DMRT3: variants seen among roughly 807,000 people sequenced by gnomAD.
DMRT3 encodes the protein doublesex and mab-3 related transcription factor 3, also known as doublesex- and mab-3-related transcription factor 3.
In DMRT3, 29 loss-of-function variants were observed where a neutral mutation model predicts 34.9. The ratio of observed to expected loss-of-function variants is 0.83; its 90% CI spans 0.62 to 1.13. The LOEUF is 1.13. Among genes scored for constraint, DMRT3 ranks in the 50% most tolerant of loss-of-function variants. The pLI is 0.00. For synonymous variants in DMRT3, 350 were observed against 286.0 expected, an observed-to-expected ratio of 1.22 and a Z score of -2.26; for missense variants, 772 against 629.1, an observed-to-expected ratio of 1.23 and a Z score of -2.43.
intron 1 of DMRT3, among the ~76,000 whole-genome samples, chr9:977,944 TCGGCCGG>T (rs1820172854): frequency 6.6e-6 from 1 of 152,034 alleles, no homozygotes. Context: ...GCTGTGCTTC[TCGGCCGG>T]CCCGGCCCTG....
At position 990,856 on chromosome 9, in the gene DMRT3, G is replaced by A. The variant is rs142983095; in HGVS notation, c.1270G>A (p.Val424Ile). 3.3e-3 allele frequency: 5,397 copies of A among 1,614,082 alleles called. 7 individuals carry two copies. Among genetic ancestry groups the A allele is most frequent in the Non-Finnish European group, 3.9e-3 (4,603 of 1,180,008 alleles). Reference protein sequence around the residue: ...NSTSVFRSSPVLPARATEDPR... With the variant: ...NSTSVFRSSPILPARATEDPR... Reference sequence around the variant, plus strand: ...TACCAGCGTCTTCAGAAGCTCGCCCGTCCTTCCTGCCCGCGCCACGGAAGA... The same window carrying A: ...TACCAGCGTCTTCAGAAGCTCGCCCATCCTTCCTGCCCGCGCCACGGAAGA... The change falls in exon 2 of 2, where the codon GTC (valine) becomes ATC (isoleucine). Residue 424 changes from valine (V) to isoleucine (I), a missense_variant. Transcript: ENST00000190165.
chr9:980,793 G>A (rs1184485550), intron 1 of DMRT3, among the ~76,000 whole-genome samples: 1 of 152,140 alleles, frequency 6.6e-6, no homozygotes, highest in Non-Finnish European at 1.5e-5. Flanking sequence ...CTCAAGAGCT[G>A]AGGGAAGTTA....
At position 977,397 on chromosome 9, in the gene DMRT3, G is replaced by A. The variant is rs573423358; in HGVS notation, c.396G>A (p.Ala132=). The part of the protein sequence containing the change: ...RPAAELAAAA[A]LRWTAEPQPG... ...CTGCCGAGTTGGCCGCGGCCGCCGC[G>A]CTGCGTTGGACTGCCGAGCCGCAGC... Residue 132 remains alanine (A), a synonymous_variant, in exon 1 of 2, where the codon GCG becomes GCA. Coordinates refer to ENST00000190165, the MANE Select transcript of DMRT3 (RefSeq NM_021240.4). The A allele has an allele frequency of 2.4e-6, 3 of 1,248,066 alleles. No individual in the cohort carries two copies. The highest frequency in any genetic ancestry group is 6.0e-5 in the East Asian group (2 of 33,402). The allele number at this position is 1,248,066 out of a possible 1,614,324, so 77.3% of individuals were successfully genotyped here.
In DMRT3 at chr9:977,290, C is replaced by A. The variant is rs755840866; in HGVS notation, c.289C>A (p.Pro97Thr). The change falls in exon 1 of 2, where the codon CCC becomes ACC. Residue 97 changes from proline (P) to threonine (T), a missense_variant. Pro to Thr is a conservative substitution (Grantham distance 38). Coordinates refer to ENST00000190165, the MANE Select transcript of DMRT3 (RefSeq NM_021240.4). ...IPDSLRALPG[P>T]PPPGDAVAAP... ...CGACTCGCTGCGCGCTCTGCCAGGG[C>A]CCCCGCCGCCGGGGGACGCCGTCGC... 2 of 1,417,470 alleles carry A rather than the reference C, an allele frequency of 1.4e-6. No homozygotes were observed. Among genetic ancestry groups the A allele is most frequent in the African/African-American group, 1.5e-5 (1 of 67,568 alleles). The allele number at this position is 1,417,470 out of a possible 1,614,324, so 87.8% of individuals were successfully genotyped here.
Position 990,119 on chromosome 9 carries a change from G to C in DMRT3, c.533G>C (p.Arg178Thr). ...EVFSDKDTDQ[R>T]SSPDVAKSKG... ...TTCAGTGACAAAGACACTGACCAGA[G>C]GAGTTCCCCAGATGTGGCAAAGAGT... Residue 178 changes from arginine (R) to threonine (T), a missense_variant, in exon 2 of 2, where the codon AGG becomes ACG. Arg to Thr is a moderately conservative substitution (Grantham distance 71). Transcript: ENST00000190165. 5 of 1,614,068 alleles carry C rather than the reference G, an allele frequency of 3.1e-6. No homozygotes were observed. The South Asian group carries it at 5.5e-5, about 18-fold the overall frequency.
chr9:989,614 A>T (rs10759092), intron 1 of DMRT3, among the ~76,000 whole-genome samples: 50,788 of 152,096 alleles, frequency 0.33, 10,008 homozygotes, highest in African/African-American at 0.53. Flanking sequence ...ATCCCTAGAT[A>T]ACAGCTGGGG....
chr9:985,660 G>A (rs919433853), intron 1 of DMRT3, among the ~76,000 whole-genome samples: 5 of 152,140 alleles, frequency 3.3e-5, no homozygotes, highest in African/African-American at 4.8e-5. Flanking sequence ...ACACCATAGC[G>A]CCACAAAATT....
rs1820365812 is a variant in DMRT3, at chr9:991,721, TA to T, written c.*718del. 6.6e-6 allele frequency: 1 copy of T among 152,458 alleles called. No homozygotes were observed. The highest frequency in any genetic ancestry group is 1.9e-4 in the East Asian group (1 of 5,196). The allele number at this position is 152,458 out of a possible 1,614,324, so 9.4% of individuals were successfully genotyped here. A position where few individuals can be genotyped will look rare whatever the true frequency, so the allele number is the denominator to read the frequency against. ...TTAAGGACTCTAGAAAAAAATAAACTAAGGAGACGAGCGTGGTTTATGTCAT... is the reference window on the plus strand; with the variant it reads ...TTAAGGACTCTAGAAAAAAATAAACTAGGAGACGAGCGTGGTTTATGTCAT... On this transcript the variant is annotated 3_prime_UTR_variant, in exon 2 of 2. Coordinates refer to ENST00000190165, the MANE Select transcript of DMRT3 (RefSeq NM_021240.4).
intron 1 of DMRT3, among the ~76,000 whole-genome samples, chr9:984,426 A>G (rs1820257792): frequency 6.6e-6 from 1 of 150,874 alleles, no homozygotes; most frequent in South Asian, 2.1e-4. Context: ...AATGGATATA[A>G]CCTATGACAT....
intron 1 of DMRT3, among the ~76,000 whole-genome samples, chr9:980,601 T>C (rs944318861): frequency 4.2e-5 from 5 of 119,370 alleles, no homozygotes; most frequent in African/African-American, 1.3e-4. Context: ...TATATGTGTG[T>C]GTATATATAT....
rs138014263 is a variant in DMRT3 at position 990,803 on chromosome 9, A to G, written c.1217A>G (p.Gln406Arg). The G allele has an allele frequency of 3.7e-6, 6 of 1,614,064 alleles. No homozygotes were observed. In the African/African-American group the frequency reaches 6.7e-5, roughly 18 times the overall value. Residue 406 changes from glutamine to arginine, a missense_variant, in exon 2 of 2, where the codon CAG (glutamine) becomes CGG (arginine). Physicochemically the swap from Gln to Arg is conservative, Grantham distance 43. Coordinates refer to ENST00000190165, the MANE Select transcript of DMRT3 (RefSeq NM_021240.4). ...CAGCAGCAGTATCAGCTGAGGTCCC[A>G]GTATGTCAGTCCTTTCCCCAGTAAC... ...TLQQQYQLRS[Q>R]YVSPFPSNST...
chr9:991,085 T>A lies in DMRT3; in HGVS notation c.*80T>A. 1 of 1,501,762 alleles carries A rather than the reference T, an allele frequency of 6.7e-7. No homozygotes were observed. Among genetic ancestry groups the A allele is most frequent in the Non-Finnish European group, 9.0e-7 (1 of 1,115,938 alleles). The allele number at this position is 1,501,762 out of a possible 1,614,324, so 93.0% of individuals were successfully genotyped here. ...AGGCATCTGAGGAGAGGCCACATCTTGTGTATGCCCTTTCCTTCTGTTTGA... is the reference window on the plus strand; with the variant it reads ...AGGCATCTGAGGAGAGGCCACATCTAGTGTATGCCCTTTCCTTCTGTTTGA... On this transcript the variant is annotated 3_prime_UTR_variant, in exon 2 of 2. Coordinates refer to ENST00000190165, the MANE Select transcript of DMRT3 (RefSeq NM_021240.4).
At chr9:982,190 TGGC>T (rs1002410569) in intron 1 of DMRT3, among the ~76,000 whole-genome samples, 4 of 152,172 alleles carry the variant, frequency 2.6e-5, no homozygotes, top group Middle Eastern at 3.2e-3. Flanking sequence ...GGGCACCCCT[TGGC>T]GGTGGGGTCG....
intron 1 of DMRT3, among the ~76,000 whole-genome samples, chr9:985,692 C>T (rs1563689084): frequency 1.3e-5 from 2 of 152,248 alleles, no homozygotes; most frequent in East Asian, 3.9e-4. Flanking sequence ...ATATCCTGCC[C>T]TTCAGAAATT....
At position 990,098 on chromosome 9, in the gene DMRT3, G is replaced by T. The variant is rs141838962; in HGVS notation, c.512G>T (p.Ser171Ile). ...GKSADNTEVFSDKDTDQRSSP... is the reference protein window; with the variant it reads ...GKSADNTEVFIDKDTDQRSSP... ...TCGGCAGACAATACAGAGGTCTTCAGTGACAAAGACACTGACCAGAGGAGT... is the reference window on the plus strand; with the variant it reads ...TCGGCAGACAATACAGAGGTCTTCATTGACAAAGACACTGACCAGAGGAGT... Residue 171 changes from serine (S) to isoleucine (I), a missense_variant, in exon 2 of 2, where the codon AGT becomes ATT. Ser to Ile is a moderately radical substitution (Grantham distance 142). Transcript: ENST00000190165. The T allele has an allele frequency of 6.2e-7, 1 of 1,614,074 alleles. No individual in the cohort carries two copies.
At position 984,260 on chromosome 9, in the gene DMRT3, T is replaced by C. The variant is rs565939746; in HGVS notation, c.455-5781T>C. 3.3e-5 allele frequency among the ~76,000 whole-genome samples: 5 copies of C among 152,314 alleles called. No individual in the cohort carries two copies. In the East Asian group the frequency reaches 9.6e-4, roughly 29 times the overall value. Reference sequence around the variant, plus strand: ...CAGCTCAAGTGAACAGATGAGGATATGACAATCTATGTTTCAAAATGCGTG... The same window carrying C: ...CAGCTCAAGTGAACAGATGAGGATACGACAATCTATGTTTCAAAATGCGTG... On this transcript the variant is annotated intron_variant, in intron 1 of 1. Coordinates refer to ENST00000190165, the MANE Select transcript of DMRT3 (RefSeq NM_021240.4).
chr9:990,296 G>A lies in DMRT3; in HGVS notation c.710G>A (p.Gly237Glu). 6.2e-7 allele frequency: 1 copy of A among 1,613,776 alleles called. No individual in the cohort carries two copies. Among genetic ancestry groups the A allele is most frequent in the Non-Finnish European group, 8.5e-7 (1 of 1,179,996 alleles). ...CACCTCCTGATTGAGGGCCCCTCGG[G>A]GACTGTTTCTCTGCCCTTCAGCTTG... ...QNHLLIEGPS[G>E]TVSLPFSLKA... is the part of the protein sequence containing the mutation. Residue 237 changes from glycine (G) to glutamate (E), a missense_variant, in exon 2 of 2, where the codon GGG becomes GAG. Physicochemically the swap from Gly to Glu is moderately conservative, Grantham distance 98. Coordinates refer to ENST00000190165, the MANE Select transcript of DMRT3 (RefSeq NM_021240.4).
chr9:988,293 A>T (rs1405610096), intron 1 of DMRT3, among the ~76,000 whole-genome samples: 2 of 152,210 alleles, frequency 1.3e-5, no homozygotes, highest in Non-Finnish European at 2.9e-5. Context: ...CAAATTTGGG[A>T]TAAGTATGAA....
chr9:990,851 C>T lies in DMRT3; in HGVS notation c.1265C>T (p.Ser422Leu), dbSNP rs748735383. The T allele has an allele frequency of 6.2e-6, 10 of 1,614,030 alleles. No homozygotes were observed. Among genetic ancestry groups the T allele is most frequent in the African/African-American group, 2.7e-5 (2 of 74,914 alleles). Residue 422 changes from serine to leucine, a missense_variant, in exon 2 of 2, where the codon TCG (serine) becomes TTG (leucine). By Grantham distance (145) the Ser-to-Leu change is moderately radical (BLOSUM62 -2). Transcript: ENST00000190165. ...PSNSTSVFRS[S>L]PVLPARATED... ...AACTCTACCAGCGTCTTCAGAAGCT[C>T]GCCCGTCCTTCCTGCCCGCGCCACG...
Sources: gnomAD v4.1 joint callset for allele counts (sites outside exome capture counted in the v4.1 genomes callset) on GRCh38, gnomAD v4.1.1 for gene constraint, MANE v1.5 for transcripts, NCBI Gene and HGNC (gene_info 2026-07-23, HGNC 2026-07-21) for gene names.